The following CCDC158 variants were observed in gnomAD, a reference collection of about 807,000 sequenced individuals.
CCDC158 encodes the protein coiled-coil domain-containing protein 158.
Under a neutral mutation model 138.6 loss-of-function variants are expected in CCDC158, and 116 were observed. That is an observed-to-expected ratio of 0.84 (90% CI 0.72 to 0.98). The LOEUF (loss-of-function observed/expected upper bound fraction) is 0.98. Among genes scored for constraint, CCDC158 ranks in the 50% least tolerant of loss-of-function variants. The pLI, the probability that CCDC158 is intolerant of heterozygous loss-of-function variation, is 0.00. For missense variants in CCDC158, 1,265 were observed against 1,306.1 expected (o/e 0.97, Z 0.48); for synonymous variants, 436 against 442.4 (o/e 0.99, Z 0.18).
At chr4:76,350,968 G>T in intron 18 of CCDC158, 28 bp downstream of exon 18, 1 of 1,603,286 alleles carries the variant, frequency 6.2e-7, no homozygotes, top group Non-Finnish European at 8.5e-7. Context: ...TGTCATTTGC[G>T]TAATGGATCA....
At chr4:76,318,141 A>G (rs1290968427) in intron 24 of CCDC158, among the ~76,000 whole-genome samples, 1 of 152,184 alleles carries the variant, frequency 6.6e-6, no homozygotes, top group African/African-American at 2.4e-5. Flanking sequence ...CCAGCAGAAG[A>G]AAAGAAATAA....
At chr4:76,417,359 T>G (rs1314517308) in intron 1 of CCDC158, among the ~76,000 whole-genome samples, 1 of 151,944 alleles carries the variant, frequency 6.6e-6, no homozygotes, top group Admixed American at 6.6e-5. Flanking sequence ...GATGAGACTT[T>G]GGACTGAAGA....
At chr4:76,327,789 C>A (rs1720660860) in intron 22 of CCDC158, among the ~76,000 whole-genome samples, 1 of 152,144 alleles carries the variant, frequency 6.6e-6, no homozygotes, top group South Asian at 2.1e-4. Flanking sequence ...TCAATTTTCT[C>A]TATTTACAAT....
chr4:76,364,584 A>T (rs1724475642), intron 12 of CCDC158, among the ~76,000 whole-genome samples: 1 of 152,250 alleles, frequency 6.6e-6, no homozygotes. Flanking sequence ...ATTAAAATTA[A>T]TTTCACATTT....
intron 8 of CCDC158, among the ~76,000 whole-genome samples, chr4:76,379,780 A>ACG (rs1726057988): frequency 7.2e-6 from 1 of 139,512 alleles, no homozygotes; most frequent in South Asian, 2.3e-4. Context: ...ACACACACAC[A>ACG]CGGTTTGGCT....
At chr4:76,394,265 T>C (rs766649266) in intron 4 of CCDC158, among the ~76,000 whole-genome samples, 2 of 152,138 alleles carry the variant, frequency 1.3e-5, no homozygotes, top group Non-Finnish European at 2.9e-5. Flanking sequence ...ATAGAAAATG[T>C]GGTACTTATA....
chr4:76,338,367 G>A (rs950266833), intron 18 of CCDC158, among the ~76,000 whole-genome samples: 1 of 152,112 alleles, frequency 6.6e-6, no homozygotes, highest in African/African-American at 2.4e-5. Flanking sequence ...AAAATTAGCT[G>A]GGCATGGTAG....
intron 2 of CCDC158, among the ~76,000 whole-genome samples, chr4:76,410,831 C>T (rs1409808611): frequency 6.6e-6 from 1 of 152,114 alleles, no homozygotes; most frequent in African/African-American, 2.4e-5. Flanking sequence ...TCTGTTTTCT[C>T]AATCACACTC....
At chr4:76,354,397 AT>A (rs2110184612) in intron 15 of CCDC158, among the ~76,000 whole-genome samples, 1 of 152,274 alleles carries the variant, frequency 6.6e-6, no homozygotes, top group African/African-American at 2.4e-5. Context: ...ACTCTGAAGT[AT>A]TTTGGCAGCT....
rs202228517 is a variant in CCDC158, at chr4:76,325,922, C to A, written c.3104G>T (p.Gly1035Val). 2.5e-6 allele frequency: 4 copies of A among 1,613,664 alleles called. No individual in the cohort carries two copies. Among genetic ancestry groups the A allele is most frequent in the East Asian group, 2.2e-5 (1 of 44,850 alleles). ...ATACTGTGATGTGGAACCTATTGAA[C>A]CTTCAACTGAACTAGTTAGGAGTGA... Reference protein sequence around the residue: ...VHSLLTSSVEGSIGSTSQYRS... With the variant: ...VHSLLTSSVEVSIGSTSQYRS... Residue 1035 changes from glycine to valine, a missense_variant, in exon 23 of 25, where the codon GGT (glycine) becomes GTT (valine). Physicochemically the swap from Gly to Val is moderately radical, Grantham distance 109. Transcript: ENST00000682701.
chr4:76,332,972 G>T (rs1445482478), intron 19 of CCDC158, among the ~76,000 whole-genome samples: 1 of 152,106 alleles, frequency 6.6e-6, no homozygotes, highest in Non-Finnish European at 1.5e-5. Flanking sequence ...TTACAAATCT[G>T]TCAAATAAGT....
chr4:76,411,342 T>TA (rs1409315239), intron 2 of CCDC158, among the ~76,000 whole-genome samples: 1 of 151,988 alleles, frequency 6.6e-6, no homozygotes, highest in Non-Finnish European at 1.5e-5. Flanking sequence ...TTCAAGGCTG[T>TA]AATCAGCCAT....
intron 13 of CCDC158, among the ~76,000 whole-genome samples, chr4:76,361,850 TG>T (rs1273720392): frequency 2.0e-5 from 3 of 152,200 alleles, no homozygotes; most frequent in African/African-American, 7.2e-5. Context: ...TTTGGAAGCC[TG>T]GACTCTGGAC....
At chr4:76,413,145 C>A (rs1375544354) in intron 1 of CCDC158, among the ~76,000 whole-genome samples, 3 of 151,622 alleles carry the variant, frequency 2.0e-5, no homozygotes, top group Admixed American at 2.0e-4. Flanking sequence ...AAATGATAAA[C>A]CACCAAGATT....
At chr4:76,393,607 G>A (rs1727509251) in intron 4 of CCDC158, among the ~76,000 whole-genome samples, 2 of 151,976 alleles carry the variant, frequency 1.3e-5, no homozygotes, top group Admixed American at 6.6e-5. Context: ...ACATGCACAA[G>A]CAACCAATGC....
intron 18 of CCDC158, among the ~76,000 whole-genome samples, chr4:76,349,787 T>C (rs1722888136): frequency 1.3e-5 from 2 of 152,352 alleles, no homozygotes; most frequent in South Asian, 4.1e-4. Context: ...ACAATCTATA[T>C]ATTAAGCTGC....
At chr4:76,313,609 A>T (rs1233303504) in intron 24 of CCDC158, among the ~76,000 whole-genome samples, 1 of 152,186 alleles carries the variant, frequency 6.6e-6, no homozygotes, top group African/African-American at 2.4e-5. Context: ...TTAAATGGGC[A>T]TGATAATTGT....
chr4:76,334,014 C>T lies in CCDC158; in HGVS notation c.2818G>A (p.Ala940Thr). The stretch of plus-strand genomic sequence containing the variant: ...TCTGTGTGCACACAGCCTTACACAG[C>T]CACATACAAGGCTCCCAGAGATGTT... Reference protein sequence around the residue: ...GRTSLGALYVAVEDRVRDCIT... With the variant: ...GRTSLGALYVTVEDRVRDCIT... The change falls in exon 19 of 25, where the codon GCT becomes ACT. Residue 940 changes from alanine to threonine, a missense_variant. By Grantham distance (58) the Ala-to-Thr change is moderately conservative (BLOSUM62 0). Transcript: ENST00000682701. 6.2e-7 allele frequency: 1 copy of T among 1,607,594 alleles called. No individual in the cohort carries two copies. The highest frequency in any genetic ancestry group is 8.5e-7 in the Non-Finnish European group (1 of 1,176,096).
At chr4:76,315,921 A>C (rs1719344719) in intron 24 of CCDC158, among the ~76,000 whole-genome samples, 2 of 152,174 alleles carry the variant, frequency 1.3e-5, no homozygotes, top group African/African-American at 2.4e-5. Context: ...GGGGAGGGGG[A>C]GGACACCACA....
Sources: allele counts gnomAD v4.1 joint callset (sites outside exome capture counted in the v4.1 genomes callset), GRCh38; gene constraint gnomAD v4.1.1; transcripts MANE v1.5; gene names NCBI Gene and HGNC (gene_info 2026-07-23, HGNC 2026-07-21).